TLN1: variants seen among roughly 807,000 people sequenced by gnomAD.
TLN1 encodes talin 1, also known as talin-1.
Under a neutral mutation model 292.3 loss-of-function variants are expected in TLN1, and 56 were observed. The observed-to-expected ratio is 0.19, with a 90% CI of 0.15 to 0.24. The LOEUF is 0.24. Among genes scored for constraint, TLN1 ranks in the 10% least tolerant of loss-of-function variants. TLN1 has a pLI of 1.00. For synonymous variants in TLN1, 1,119 were observed against 1,253.7 expected (o/e 0.89, Z 2.27); for missense variants, 2,433 against 3,248.2 (o/e 0.75, Z 6.10).
rs552312775 is a variant in TLN1, at chr9:35,702,421, G to C, written c.6474+1139C>G. Among the ~76,000 whole-genome samples the C allele has an allele frequency of 2.0e-5, 3 of 152,296 alleles. No individual in the cohort carries two copies. In the South Asian group the frequency reaches 6.2e-4, roughly 32 times the overall value. ...CCTCCACATTTACTAAGTTAAAGGT[G>C]ATTCAATGACGTTCGAGAAACAAGA... On this transcript the variant is annotated intron_variant, in intron 48 of 56. Transcript: ENST00000314888.
intron 19 of TLN1, among the ~76,000 whole-genome samples, chr9:35,716,832 T>C (rs1825792310): frequency 6.6e-6 from 1 of 152,220 alleles, no homozygotes; most frequent in African/African-American, 2.4e-5. Context: ...AGACACTCTC[T>C]GAAAACTTTT....
At chr9:35,709,693 C>G (rs1427078718) in intron 33 of TLN1, among the ~76,000 whole-genome samples, 1 of 149,844 alleles carries the variant, frequency 6.7e-6, no homozygotes, top group African/African-American at 2.5e-5. Flanking sequence ...TCGAGACCAT[C>G]CTGGCTAACA....
At chr9:35,705,523 G>T in intron 43 of TLN1, 28 bp downstream of exon 43, 1 of 1,549,578 alleles carries the variant, frequency 6.5e-7, no homozygotes. Context: ...AGGGGCAGGG[G>T]GCAGGGCAGA....
intron 48 of TLN1, among the ~76,000 whole-genome samples, chr9:35,701,449 A>T (rs1053360298): frequency 6.6e-6 from 1 of 152,146 alleles, no homozygotes; most frequent in African/African-American, 2.4e-5. Context: ...TAATCTTTAA[A>T]TTTTTTGTAG....
Position 35,714,581 on chromosome 9 carries a change from A to G in TLN1, c.2978T>C (p.Phe993Ser). The G allele has an allele frequency of 1.9e-6, 3 of 1,610,518 alleles. No homozygotes were observed. Among genetic ancestry groups the G allele is most frequent in the Non-Finnish European group, 2.5e-6 (3 of 1,180,002 alleles). Residue 993 changes from phenylalanine (F) to serine (S), a missense_variant, in exon 23 of 57, where the codon TTC (phenylalanine) becomes TCC (serine). Coordinates refer to ENST00000314888, the MANE Select transcript of TLN1 (RefSeq NM_006289.4). This position sits in a 1 kb window ranked among gnomAD's most constrained non-coding sequence, Gnocchi z 4.6. Reference sequence around the variant, plus strand: ...GCAGAGGGGGTGCCTTGCCTGCAGGAAGCTCTGGCTGGCAGCAATGAGGGC... The same window carrying G: ...GCAGAGGGGGTGCCTTGCCTGCAGGGAGCTCTGGCTGGCAGCAATGAGGGC... ...QLALIAASQS[F>S]LQPGGKMVAA...
At chr9:35,711,498 G>C in intron 29 of TLN1, 97 bp downstream of exon 29, 1 of 1,603,648 alleles carries the variant, frequency 6.2e-7, no homozygotes, top group East Asian at 2.2e-5. Flanking sequence ...GACTGGGGAG[G>C]GAAGGGAGCC....
intron 48 of TLN1, among the ~76,000 whole-genome samples, chr9:35,702,107 C>G (rs1186478563): frequency 6.6e-6 from 1 of 152,058 alleles, no homozygotes; most frequent in Non-Finnish European, 1.5e-5. Context: ...GACAGGGAAC[C>G]AGGGAGGAGG....
At position 35,704,944 on chromosome 9, in the gene TLN1, T is replaced by G; in HGVS notation, c.5734-129A>C. 7 of 1,154,456 alleles carry G rather than the reference T, an allele frequency of 6.1e-6. No homozygotes were observed. Among genetic ancestry groups the G allele is most frequent in the Non-Finnish European group, 8.4e-6 (7 of 828,848 alleles). The allele number at this position is 1,154,456 out of a possible 1,614,324, so 71.5% of individuals were successfully genotyped here. A position where few individuals can be genotyped will look rare whatever the true frequency, so the allele number is the denominator to read the frequency against. On this transcript the variant is annotated intron_variant, in intron 43 of 56. Coordinates refer to ENST00000314888, the MANE Select transcript of TLN1 (RefSeq NM_006289.4). This position sits in a 1 kb window ranked among gnomAD's most constrained non-coding sequence, Gnocchi z 6.9. ...AGACTAAAGAAGCAGAGAGAGAAGG[T>G]TCCCAGCACAAGGACGTTTCCGGTT...
chr9:35,699,690 T>G lies in TLN1; in HGVS notation c.6769-229A>C. On this transcript the variant is annotated intron_variant, in intron 50 of 56. Transcript: ENST00000314888. This position sits in a 1 kb window ranked among gnomAD's most constrained non-coding sequence, Gnocchi z 4.0. Reference sequence around the variant, plus strand: ...GGCTGACAAGGAGCAAGGAGAATGATGAGATGAAAGAGGAGACGACGAAAG... The same window carrying G: ...GGCTGACAAGGAGCAAGGAGAATGAGGAGATGAAAGAGGAGACGACGAAAG... 1.0e-6 allele frequency: 1 copy of G among 984,692 alleles called. No individual in the cohort carries two copies. The highest frequency in any genetic ancestry group is 1.2e-6 in the Non-Finnish European group (1 of 829,804). 61.0% of individuals were successfully genotyped at this position (984,692 alleles called of 1,614,324 possible).
chr9:35,716,637 G>T, intron 19 of TLN1, 81 bp from the exon 20 acceptor site: 1 of 1,504,054 alleles, frequency 6.6e-7, no homozygotes, highest in Non-Finnish European at 9.0e-7. Flanking sequence ...GGGAAAAGTG[G>T]TGTAGACAAG....
At chr9:35,725,831 A>G in intron 1 of TLN1, 104 bp from the exon 2 acceptor site, 1 of 932,754 alleles carries the variant, frequency 1.1e-6, no homozygotes, top group Non-Finnish European at 1.6e-6. Context: ...GGGACTCACC[A>G]AAGTAGATGG....
rs1825851078 is a variant in TLN1, at chr9:35,719,906, G to A, written c.1465-53C>T. ...CTGGAATGGATGTTTGGAGAAAAGA[G>A]AAGGTAAAAGAGAACCAGGGTCTAG... On this transcript the variant is annotated intron_variant, in intron 13 of 56. Transcript: ENST00000314888. This position sits in a 1 kb window ranked among gnomAD's most constrained non-coding sequence, Gnocchi z 4.6. 34 of 1,569,036 alleles carry A rather than the reference G, an allele frequency of 2.2e-5. No individual in the cohort carries two copies. The highest frequency in any genetic ancestry group is 2.9e-5 in the Non-Finnish European group (33 of 1,153,804).
Position 35,719,148 on chromosome 9 carries a change from G to A in TLN1, c.1822C>T (p.Leu608=), listed in dbSNP as rs1825838931. ...LEDEGGSGRP[L]LQAAKGLAGA... is the part of the protein sequence containing the mutation. ...GCAAGGCCCTTTGCTGCCTGCAACA[G>A]GGGCCGACCACTGCCGCCTTCGTCC... is the stretch of plus-strand genomic sequence containing the variant. The change falls in exon 16 of 57, where the codon CTG becomes TTG. Residue 608 remains leucine, a synonymous_variant. Coordinates refer to ENST00000314888, the MANE Select transcript of TLN1 (RefSeq NM_006289.4). This position sits in a 1 kb window ranked among gnomAD's most constrained non-coding sequence, Gnocchi z 4.6. 1 of 1,614,052 alleles carries A rather than the reference G, an allele frequency of 6.2e-7. No homozygotes were observed. The highest frequency in any genetic ancestry group is 1.1e-5 in the South Asian group (1 of 91,092).
At position 35,711,382 on chromosome 9, in the gene TLN1, G is replaced by A; in HGVS notation, c.3892C>T (p.Arg1298Ter). Residue 1298 changes from arginine (R) to a stop codon, truncating the protein, a stop_gained, in exon 30 of 57, where the codon CGA becomes TGA. Coordinates refer to ENST00000314888, the MANE Select transcript of TLN1 (RefSeq NM_006289.4). LOFTEE classifies it high-confidence loss of function. ...TTCAAGTTGGACACAACTTGGGCTC[G>A]GTCCTCCTGGCTCTGTTGAAGGTGA... ...MAGQAPSQED[R>*]AQVVSNLKGI... 1 of 1,614,180 alleles carries A rather than the reference G, an allele frequency of 6.2e-7. No homozygotes were observed. Among genetic ancestry groups the A allele is most frequent in the Non-Finnish European group, 8.5e-7 (1 of 1,180,042 alleles).
chr9:35,703,474 T>A lies in TLN1; in HGVS notation c.6474+86A>T. ...AGAGAAGACTGTGTGTGACTCCAGCTGTGAGTATATGTGTGGCACAGGTTC... is the reference window on the plus strand; with the variant it reads ...AGAGAAGACTGTGTGTGACTCCAGCAGTGAGTATATGTGTGGCACAGGTTC... On this transcript the variant is annotated intron_variant, in intron 48 of 56. Transcript: ENST00000314888. The A allele has an allele frequency of 3.2e-6, 4 of 1,244,296 alleles. No individual in the cohort carries two copies. The Admixed American group carries it at 6.8e-5, about 21-fold the overall frequency. The allele number at this position is 1,244,296 out of a possible 1,614,324, so 77.1% of individuals were successfully genotyped here. A position where few individuals can be genotyped will look rare whatever the true frequency, so the allele number is the denominator to read the frequency against.
At position 35,705,956 on chromosome 9, in the gene TLN1, T is replaced by C; in HGVS notation, c.5511+6A>G. On this transcript the variant is annotated splice_donor_region_variant and intron_variant, in intron 41 of 56. Coordinates refer to ENST00000314888, the MANE Select transcript of TLN1 (RefSeq NM_006289.4). ...TCAGTGTCCAAAGGCACCCCAAGAC[T>C]CTAACCTGGTTGATGGCCTGGGTGA... 6.2e-7 allele frequency: 1 copy of C among 1,614,156 alleles called. No homozygotes were observed. The highest frequency in any genetic ancestry group is 8.5e-7 in the Non-Finnish European group (1 of 1,180,016).
At position 35,717,631 on chromosome 9, in the gene TLN1, C is replaced by G; in HGVS notation, c.2151G>C (p.Val717=). 1.2e-6 allele frequency: 2 copies of G among 1,613,286 alleles called. No individual in the cohort carries two copies. The highest frequency in any genetic ancestry group is 1.7e-6 in the Non-Finnish European group (2 of 1,179,338). ...CTTTGGGGCTCACCTTAGTACAGGCCACTAGTTGGGAAGTGGATAGGGCAC... is the reference window on the plus strand; with the variant it reads ...CTTTGGGGCTCACCTTAGTACAGGCGACTAGTTGGGAAGTGGATAGGGCAC... ...TQCALSTSQL[V]ACTKVVAPTI... is the part of the protein sequence containing the mutation. The change falls in exon 18 of 57, where the codon GTG becomes GTC. Residue 717 remains valine, a synonymous_variant. Coordinates refer to ENST00000314888, the MANE Select transcript of TLN1 (RefSeq NM_006289.4). This position sits in a 1 kb window ranked among gnomAD's most constrained non-coding sequence, Gnocchi z 4.7.
Position 35,700,385 on chromosome 9 carries a change from G to T in TLN1, c.6475-9C>A, listed in dbSNP as rs1825444244. The T allele has an allele frequency of 1.3e-6, 2 of 1,591,088 alleles. No individual in the cohort carries two copies. Among genetic ancestry groups the T allele is most frequent in the Non-Finnish European group, 1.7e-6 (2 of 1,162,376 alleles). On this transcript the variant is annotated splice_polypyrimidine_tract_variant and intron_variant, in intron 48 of 56. Coordinates refer to ENST00000314888, the MANE Select transcript of TLN1 (RefSeq NM_006289.4). ...TCTGGGGAACAGAAAACCTGTGGGG[G>T]CAGAAGAAGAAGAAAGATTTTACAG... is the stretch of plus-strand genomic sequence containing the variant.
Position 35,707,811 on chromosome 9 carries a change from T to C in TLN1, c.4552A>G (p.Asn1518Asp). 6.2e-7 allele frequency: 1 copy of C among 1,614,150 alleles called. No individual in the cohort carries two copies. The highest frequency in any genetic ancestry group is 8.5e-7 in the Non-Finnish European group (1 of 1,180,020). Residue 1518 changes from asparagine to aspartate, a missense_variant, in exon 35 of 57, where the codon AAT (asparagine) becomes GAT (aspartate). This residue lies in a region of TLN1 where 1,384 missense variants were observed against 1,699.6 expected (regional missense o/e 0.81). Transcript: ENST00000314888. The surrounding 1 kb of genome is among the most constrained non-coding windows in gnomAD (Gnocchi z 5.6). The part of the protein sequence containing the change: ...SCRLASARTT[N>D]PTAKRQFVQS... Reference sequence around the variant, plus strand: ...ACAAACTGGCGCTTGGCAGTAGGATTGGTGGTACGGGCAGAAGCCAGGCGA... The same window carrying C: ...ACAAACTGGCGCTTGGCAGTAGGATCGGTGGTACGGGCAGAAGCCAGGCGA...
Sources: allele counts gnomAD v4.1 joint callset (sites outside exome capture counted in the v4.1 genomes callset), GRCh38; gene constraint gnomAD v4.1.1; regional missense constraint gnomAD v4.1.1; non-coding constraint Gnocchi (gnomAD v3.1); transcripts MANE v1.5; gene names NCBI Gene and HGNC (gene_info 2026-07-23, HGNC 2026-07-21).